Variants in ZNF385D observed in about 807,000 individuals in gnomAD.
ZNF385D encodes zinc finger protein 385D.
Under a neutral mutation model 35.8 loss-of-function variants are expected in ZNF385D, and 15 were observed. The ratio of observed to expected loss-of-function variants is 0.42; its 90% confidence interval spans 0.28 to 0.64. The LOEUF (loss-of-function observed/expected upper bound fraction) is 0.64. Ranked by LOEUF, ZNF385D falls within the 30% of genes least tolerant of loss-of-function variation. The probability of loss-of-function intolerance (pLI) is 0.23; values close to 1 mark genes in which losing one functional copy is unlikely to be tolerated. For missense variants in ZNF385D, 474 were observed against 494.6 expected (o/e 0.96, Z 0.39); for synonymous variants, 212 against 186.8 (o/e 1.13, Z -1.10).
At chr3:21,994,565 G>T (rs1695346805) in intron 3 of ZNF385D, among the ~76,000 whole-genome samples, 1 of 151,914 alleles carries the variant, frequency 6.6e-6, no homozygotes, top group South Asian at 2.1e-4. Flanking sequence ...TCTATTGCTT[G>T]AGAATTATTG....
At chr3:21,758,848 G>A (rs1165922782) in intron 3 of ZNF385D, among the ~76,000 whole-genome samples, 1 of 151,588 alleles carries the variant, frequency 6.6e-6, no homozygotes, top group African/African-American at 2.4e-5. Context: ...CACTTTAAAT[G>A]TATGTATAAT....
At chr3:21,549,882 A>T (rs991257154) in intron 3 of ZNF385D, among the ~76,000 whole-genome samples, 2 of 152,206 alleles carry the variant, frequency 1.3e-5, no homozygotes, top group African/African-American at 4.8e-5. Context: ...ATGCAGCGGC[A>T]ACAACATACT....
chr3:21,564,557 C>G lies in ZNF385D; in HGVS notation c.276+17G>C, dbSNP rs1485491163. 2.1e-6 allele frequency: 3 copies of G among 1,442,186 alleles called. No homozygotes were observed. Among genetic ancestry groups the G allele is most frequent in the Non-Finnish European group, 2.8e-6 (3 of 1,072,236 alleles). The allele number at this position is 1,442,186 out of a possible 1,614,324, so 89.3% of individuals were successfully genotyped here. A position where few individuals can be genotyped will look rare whatever the true frequency, so the allele number is the denominator to read the frequency against. Reference sequence around the variant, plus strand: ...TGTATTTTTTTTTTTTAAGTGAACACTAAATGATAAACTTACATCAGAATT... The same window carrying G: ...TGTATTTTTTTTTTTTAAGTGAACAGTAAATGATAAACTTACATCAGAATT... On this transcript the variant is annotated intron_variant, in intron 3 of 7. Coordinates refer to ENST00000281523, the MANE Select transcript of ZNF385D (RefSeq NM_024697.3).
At chr3:21,733,607 T>C (rs1451010108) in intron 1 of ZNF385D, among the ~76,000 whole-genome samples, 4 of 152,200 alleles carry the variant, frequency 2.6e-5, no homozygotes, top group African/African-American at 9.6e-5. Flanking sequence ...TGTAGTTAAA[T>C]TTGTCATTTT....
At chr3:21,658,701 T>C (rs1318321490) in intron 2 of ZNF385D, among the ~76,000 whole-genome samples, 5 of 152,050 alleles carry the variant, frequency 3.3e-5, no homozygotes, top group Admixed American at 3.3e-4. Context: ...GCATATGGTA[T>C]TTATCTCAGA....
intron 1 of ZNF385D, among the ~76,000 whole-genome samples, chr3:21,665,382 C>T (rs2066374341): frequency 6.7e-6 from 1 of 149,032 alleles, no homozygotes; most frequent in Non-Finnish European, 1.5e-5. Flanking sequence ...CATCATGCAC[C>T]CATCCCTCTT....
At chr3:22,151,429 T>TG (rs1168727073) in intron 3 of ZNF385D, among the ~76,000 whole-genome samples, 8 of 152,254 alleles carry the variant, frequency 5.3e-5, no homozygotes, top group Non-Finnish European at 4.4e-5. Context: ...GGTGAATAAT[T>TG]AGAGTTTGAA....
At chr3:21,817,248 C>T (rs935616537) in intron 3 of ZNF385D, among the ~76,000 whole-genome samples, 1 of 152,262 alleles carries the variant, frequency 6.6e-6, no homozygotes, top group Non-Finnish European at 1.5e-5. Context: ...AAAACCTAGG[C>T]AATACCATTC....
At chr3:22,200,372 G>A (rs1353220940) in intron 2 of ZNF385D, among the ~76,000 whole-genome samples, 1 of 151,984 alleles carries the variant, frequency 6.6e-6, no homozygotes, top group Non-Finnish European at 1.5e-5. Context: ...TAGGTTCCAT[G>A]ATGCCCCACA....
At chr3:21,798,039 A>G (rs1333525344) in intron 3 of ZNF385D, among the ~76,000 whole-genome samples, 1 of 152,218 alleles carries the variant, frequency 6.6e-6, no homozygotes, top group African/African-American at 2.4e-5. Context: ...ACTGGCAACA[A>G]TGATGTGTCA....
intron 1 of ZNF385D, among the ~76,000 whole-genome samples, chr3:21,690,726 G>C (rs1050320973): frequency 6.6e-6 from 1 of 152,168 alleles, no homozygotes; most frequent in South Asian, 2.1e-4. Flanking sequence ...AAATGGGATC[G>C]TGTTAGATAT....
chr3:22,202,551 A>G (rs1382966348), intron 2 of ZNF385D, among the ~76,000 whole-genome samples: 1 of 152,138 alleles, frequency 6.6e-6, no homozygotes, highest in Non-Finnish European at 1.5e-5. Context: ...CAAATGGAAC[A>G]ACTTTCTGTA....
intron 2 of ZNF385D, among the ~76,000 whole-genome samples, chr3:22,251,894 T>C (rs1193638037): frequency 6.6e-6 from 1 of 152,096 alleles, no homozygotes; most frequent in Non-Finnish European, 1.5e-5. Context: ...TTCCCTCTTT[T>C]GTAAAATAAG....
chr3:22,291,507 CT>C (rs1702301039), intron 2 of ZNF385D, among the ~76,000 whole-genome samples: 1 of 151,794 alleles, frequency 6.6e-6, no homozygotes. Context: ...TCCTATATAT[CT>C]TTTATAATTA....
intron 3 of ZNF385D, among the ~76,000 whole-genome samples, chr3:22,077,037 G>C (rs1700497925): frequency 6.6e-6 from 1 of 151,838 alleles, no homozygotes; most frequent in Non-Finnish European, 1.5e-5. Flanking sequence ...ATAAGTGTGA[G>C]TTATTTTCAG....
At chr3:22,293,677 C>T (rs1037915860) in intron 2 of ZNF385D, among the ~76,000 whole-genome samples, 1 of 152,092 alleles carries the variant, frequency 6.6e-6, no homozygotes, top group Non-Finnish European at 1.5e-5. Flanking sequence ...TGGCATGACT[C>T]CCAGCTCTTA....
intron 4 of ZNF385D, among the ~76,000 whole-genome samples, chr3:21,461,799 G>C (rs941721141): frequency 2.4e-4 from 36 of 152,144 alleles, no homozygotes; most frequent in African/African-American, 8.4e-4. Context: ...GATATGGATG[G>C]TCTCTTGACA....
At chr3:21,755,342 T>A (rs148048452), upstream of ZNF385D, among the ~76,000 whole-genome samples, 10 of 152,322 alleles carry the variant, frequency 6.6e-5, no homozygotes, top group East Asian at 1.7e-3. Context: ...CTTCACTGTT[T>A]CCGTATTTTA....
intron 3 of ZNF385D, among the ~76,000 whole-genome samples, chr3:21,784,875 A>G (rs922507800): frequency 1.3e-5 from 2 of 152,158 alleles, no homozygotes; most frequent in African/African-American, 4.8e-5. Context: ...TTTTTATTTC[A>G]AAATTTGATC....
Sources: allele counts gnomAD v4.1 joint callset (sites outside exome capture counted in the v4.1 genomes callset), GRCh38; gene constraint gnomAD v4.1.1; transcripts MANE v1.5; gene names NCBI Gene and HGNC (gene_info 2026-07-23, HGNC 2026-07-21).